TBC1D22A: variants seen among roughly 807,000 people sequenced by gnomAD.
TBC1D22A encodes the protein TBC1 domain family member 22A.
TBC1D22A carries 38 observed loss-of-function variants against 60.2 expected under a neutral mutation model. The ratio of observed to expected loss-of-function variants is 0.63; its 90% CI spans 0.49 to 0.83. The LOEUF is 0.83. Among genes scored for constraint, TBC1D22A ranks in the 40% least tolerant of loss-of-function variants. TBC1D22A has a pLI of 0.00. For missense variants in TBC1D22A, 628 were observed against 701.0 expected (o/e 0.90, Z 1.18); for synonymous variants, 302 against 281.7 (o/e 1.07, Z -0.72).
intron 12 of TBC1D22A, among the ~76,000 whole-genome samples, chr22:47,147,559 A>G (rs947917917): frequency 1.3e-5 from 2 of 152,234 alleles, no homozygotes; most frequent in Admixed American, 1.3e-4. Flanking sequence ...GTGCCCTCAG[A>G]GAGGCCTTGG....
chr22:46,850,691 G>T (rs138109239), intron 4 of TBC1D22A, among the ~76,000 whole-genome samples: 8 of 152,264 alleles, frequency 5.3e-5, no homozygotes, highest in Admixed American at 5.2e-4. Flanking sequence ...GGACTCCTAG[G>T]TATGTATATT....
chr22:47,144,723 G>T (rs1323236788), intron 12 of TBC1D22A, among the ~76,000 whole-genome samples: 2 of 146,754 alleles, frequency 1.4e-5, no homozygotes, highest in Non-Finnish European at 3.0e-5. Flanking sequence ...ACTGGGTGCA[G>T]CCCGTGAAGG....
intron 8 of TBC1D22A, among the ~76,000 whole-genome samples, chr22:46,916,546 C>T (rs1381701108): frequency 2.0e-5 from 3 of 152,228 alleles, no homozygotes; most frequent in Non-Finnish European, 2.9e-5. Flanking sequence ...CGTGCAGGCA[C>T]GTGCACGCGG....
At chr22:46,928,223 T>C (rs192315005) in intron 8 of TBC1D22A, among the ~76,000 whole-genome samples, 6 of 152,252 alleles carry the variant, frequency 3.9e-5, no homozygotes, top group African/African-American at 1.4e-4. Flanking sequence ...GCCATGTGGA[T>C]AGACATGTAG....
chr22:46,992,788 G>A lies in TBC1D22A; in HGVS notation c.1126-4846G>A, dbSNP rs138205840. 4.3e-3 allele frequency among the ~76,000 whole-genome samples: 656 copies of A among 152,334 alleles called. 1 individual carries two copies. The highest frequency in any genetic ancestry group is 0.015 in the African/African-American group (608 of 41,576). ...GGAGGCTTCCTAGCTCTGTCCTTGCGTGGTCAGAGCCCAGCTTCTGTGTTC... is the reference window on the plus strand; with the variant it reads ...GGAGGCTTCCTAGCTCTGTCCTTGCATGGTCAGAGCCCAGCTTCTGTGTTC... On this transcript the variant is annotated intron_variant, in intron 9 of 12. Transcript: ENST00000337137.
chr22:46,925,993 T>G (rs1036191993), intron 8 of TBC1D22A, among the ~76,000 whole-genome samples: 21 of 152,192 alleles, frequency 1.4e-4, no homozygotes, highest in Non-Finnish European at 1.5e-5. Context: ...GGCATTAAGT[T>G]AGAAGCCAGT....
intron 11 of TBC1D22A, among the ~76,000 whole-genome samples, chr22:47,107,443 A>G (rs2065678438): frequency 6.6e-6 from 1 of 152,218 alleles, no homozygotes; most frequent in African/African-American, 2.4e-5. Context: ...CCCAACAACT[A>G]CCAACAAGCA....
intron 4 of TBC1D22A, among the ~76,000 whole-genome samples, chr22:46,800,194 A>G (rs960390685): frequency 3.3e-5 from 5 of 152,030 alleles, no homozygotes; most frequent in Non-Finnish European, 7.4e-5. Flanking sequence ...ACTTGCTATT[A>G]TTACAAACAA....
chr22:46,771,606 T>TG (rs1436382812), intron 1 of TBC1D22A, among the ~76,000 whole-genome samples: 1 of 151,956 alleles, frequency 6.6e-6, no homozygotes, highest in Non-Finnish European at 1.5e-5. Flanking sequence ...CTATTTTTTT[T>TG]TTTTTTGAGA....
intron 10 of TBC1D22A, among the ~76,000 whole-genome samples, chr22:47,020,377 G>A (rs774111691): frequency 7.2e-5 from 11 of 152,162 alleles, no homozygotes; most frequent in South Asian, 2.1e-4. Context: ...GAAGCTCTGC[G>A]TCTTCAACCT....
At chr22:46,956,905 C>T (rs1214396564) in intron 8 of TBC1D22A, among the ~76,000 whole-genome samples, 1 of 152,158 alleles carries the variant, frequency 6.6e-6, no homozygotes, top group African/African-American at 2.4e-5. Context: ...TAGGCTGGGG[C>T]CAGATCCGGC....
chr22:47,050,812 C>A (rs1356629106), intron 11 of TBC1D22A, among the ~76,000 whole-genome samples: 1 of 152,138 alleles, frequency 6.6e-6, no homozygotes, highest in Non-Finnish European at 1.5e-5. Context: ...ATGGTGAGGA[C>A]AGCCTGGGAG....
intron 1 of TBC1D22A, among the ~76,000 whole-genome samples, chr22:46,788,683 C>T (rs1198007018): frequency 6.6e-6 from 1 of 152,216 alleles, no homozygotes; most frequent in Non-Finnish European, 1.5e-5. Flanking sequence ...GCTTTGCTTT[C>T]AGGTCATCTT....
rs529385220 is a variant in TBC1D22A at position 46,827,565 on chromosome 22, C to T, written c.637+29945C>T. ...AAGTCGTAGTCTTCTCGTATCAAAA[C>T]GAGTCCTGGCCGCCAGCAGAACGTC... On this transcript the variant is annotated intron_variant, in intron 4 of 12. Coordinates refer to ENST00000337137, the MANE Select transcript of TBC1D22A (RefSeq NM_014346.5). 2.3e-4 allele frequency among the ~76,000 whole-genome samples: 35 copies of T among 152,284 alleles called. No individual in the cohort carries two copies. In the South Asian group the frequency reaches 6.4e-3, roughly 28 times the overall value.
intron 8 of TBC1D22A, among the ~76,000 whole-genome samples, chr22:46,960,818 G>A (rs2073457790): frequency 6.6e-6 from 1 of 151,912 alleles, no homozygotes; most frequent in African/African-American, 2.4e-5. Context: ...GTGGTGGCGG[G>A]TGCCTGTAGT....
chr22:46,904,115 CTATCTATCTATCTAT>C (rs1160845020), intron 7 of TBC1D22A, among the ~76,000 whole-genome samples: 26 of 74,558 alleles, frequency 3.5e-4, no homozygotes, highest in African/African-American at 1.5e-3. Context: ...ATCTATCTAT[CTATCTATCTATCTAT>C]CTATCTATCT....
chr22:47,100,070 T>G (rs1042941914), intron 11 of TBC1D22A, among the ~76,000 whole-genome samples: 3 of 152,154 alleles, frequency 2.0e-5, no homozygotes, highest in Non-Finnish European at 4.4e-5. Flanking sequence ...AGGCAGTGTT[T>G]GCAATGAAAA....
intron 4 of TBC1D22A, among the ~76,000 whole-genome samples, chr22:46,838,626 A>T (rs9626907): frequency 0.022 from 3,424 of 152,340 alleles, 116 homozygotes; most frequent in African/African-American, 0.076. Context: ...ATTACAGGCC[A>T]GTATTCCTGA....
intron 11 of TBC1D22A, among the ~76,000 whole-genome samples, chr22:47,039,935 CTTTTTTT>C (rs570751261): frequency 9.1e-5 from 7 of 77,296 alleles, no homozygotes; most frequent in African/African-American, 4.4e-4. Context: ...GTGCCACAGC[CTTTTTTT>C]TTTTTTTTTT....
Sources: gnomAD v4.1 joint callset for allele counts (sites outside exome capture counted in the v4.1 genomes callset) on GRCh38, gnomAD v4.1.1 for gene constraint, MANE v1.5 for transcripts, NCBI Gene and HGNC (gene_info 2026-07-23, HGNC 2026-07-21) for gene names.